The following TBCEL variants were observed in gnomAD, a reference collection of about 807,000 sequenced individuals.
TBCEL encodes the protein tubulin-specific chaperone cofactor E-like protein.
Under a neutral mutation model 44.2 loss-of-function variants are expected in TBCEL, and 15 were observed. That is an observed-to-expected ratio of 0.34 (90% CI 0.23 to 0.52). The LOEUF is 0.52. Ranked by LOEUF, TBCEL falls within the 20% of genes least tolerant of loss-of-function variation. The pLI is 0.95. For synonymous variants in TBCEL, 171 were observed against 185.4 expected, an observed-to-expected ratio of 0.92 and a Z score of 0.63; for missense variants, 319 against 506.3, an observed-to-expected ratio of 0.63 and a Z score of 3.55.
chr11:121,054,783 G>A (rs1268451416), intron 5 of TBCEL: 5 of 277,874 alleles, frequency 1.8e-5, no homozygotes, highest in African/African-American at 1.1e-4. Context: ...CTTACAGTCA[G>A]TACTGCTTAA....
chr11:121,080,417 C>A (rs758865246), intron 8 of TBCEL, among the ~76,000 whole-genome samples: 1 of 152,110 alleles, frequency 6.6e-6, no homozygotes, highest in Non-Finnish European at 1.5e-5. Context: ...TTTATGATCC[C>A]ATTGTTGCGT....
intron 1 of TBCEL, among the ~76,000 whole-genome samples, chr11:121,028,935 T>G (rs1170059328): frequency 6.6e-6 from 1 of 152,222 alleles, no homozygotes; most frequent in Non-Finnish European, 1.5e-5. Context: ...AAGAATAAAG[T>G]GCAAACTTTT....
intron 1 of TBCEL, 31 bp from the exon 2 acceptor site, chr11:121,036,474 A>G (rs2134892579): frequency 6.6e-6 from 1 of 152,296 alleles, no homozygotes; most frequent in African/African-American, 2.4e-5. Flanking sequence ...TGCTGAAAGT[A>G]TATGCAAAGT....
intron 3 of TBCEL, 24 bp from the exon 4 acceptor site, chr11:121,047,504 C>T: frequency 6.2e-7 from 1 of 1,609,110 alleles, no homozygotes; most frequent in Non-Finnish European, 8.5e-7. Flanking sequence ...ATATAGAAAA[C>T]ATTTTGTGTC....
chr11:121,034,026 A>G lies in TBCEL; in HGVS notation c.-125-2479A>G, dbSNP rs144053347. ...TCTGTCACATTCTGTTTATCCATTT[A>G]TCTACCTTTTGACTATTGTAAATAA... On this transcript the variant is annotated intron_variant, in intron 1 of 8. Coordinates refer to ENST00000683345, the MANE Select transcript of TBCEL (RefSeq NM_001363644.2). Among the ~76,000 whole-genome samples, 16 of 152,204 alleles carry G rather than the reference A, an allele frequency of 1.1e-4. No individual in the cohort carries two copies. In the East Asian group the frequency reaches 3.1e-3, roughly 29 times the overall value.
intron 8 of TBCEL, among the ~76,000 whole-genome samples, chr11:121,066,221 A>T (rs1281766068): frequency 1.3e-5 from 2 of 152,208 alleles, no homozygotes; most frequent in Non-Finnish European, 2.9e-5. Flanking sequence ...TTGCCCTCAG[A>T]CACTTAAAGC....
chr11:121,033,108 A>G (rs1334492442), intron 1 of TBCEL, among the ~76,000 whole-genome samples: 2 of 152,198 alleles, frequency 1.3e-5, no homozygotes, highest in Admixed American at 1.3e-4. Flanking sequence ...AAGTCTTCTG[A>G]TAGATGCCAT....
At chr11:121,062,489 T>A (rs1452188007) in intron 8 of TBCEL, among the ~76,000 whole-genome samples, 3 of 152,158 alleles carry the variant, frequency 2.0e-5, no homozygotes, top group Non-Finnish European at 4.4e-5. Flanking sequence ...TATGTTGCGT[T>A]ATGATGCTAA....
intron 1 of TBCEL, among the ~76,000 whole-genome samples, chr11:121,029,045 A>G (rs1290902550): frequency 1.3e-5 from 2 of 151,714 alleles, no homozygotes; most frequent in Non-Finnish European, 2.9e-5. Flanking sequence ...ACTACACTAC[A>G]TTTCTCACTT....
At chr11:121,029,582 T>G (rs976739463) in intron 1 of TBCEL, among the ~76,000 whole-genome samples, 1 of 152,250 alleles carries the variant, frequency 6.6e-6, no homozygotes, top group East Asian at 1.9e-4. Flanking sequence ...GACCATGCTT[T>G]TAATCACAGT....
chr11:121,071,312 G>C (rs1347159643), intron 8 of TBCEL, among the ~76,000 whole-genome samples: 6 of 152,122 alleles, frequency 3.9e-5, no homozygotes, highest in African/African-American at 1.4e-4. Flanking sequence ...GCAACTTTTA[G>C]AAGTCAGCAT....
At chr11:121,038,583 T>TA (rs887335197) in intron 2 of TBCEL, among the ~76,000 whole-genome samples, 18 of 147,086 alleles carry the variant, frequency 1.2e-4, no homozygotes, top group Admixed American at 2.0e-4. Context: ...TTAATGGGCT[T>TA]AAAAAAAAAA....
chr11:121,062,807 C>G (rs998424660), intron 8 of TBCEL, among the ~76,000 whole-genome samples: 2 of 152,110 alleles, frequency 1.3e-5, no homozygotes, highest in African/African-American at 4.8e-5. Context: ...AGGATAGATA[C>G]AGTTTGAACT....
Position 121,045,271 on chromosome 11 carries a change from G to A in TBCEL, c.-17-403G>A, listed in dbSNP as rs139410896. Among the ~76,000 whole-genome samples the A allele has an allele frequency of 2.6e-5, 4 of 152,174 alleles. No individual in the cohort carries two copies. In the East Asian group the frequency reaches 7.7e-4, roughly 29 times the overall value. On this transcript the variant is annotated intron_variant, in intron 2 of 8. Transcript: ENST00000683345. ...TATGGAAGAAGATAATGGATTTTAGGGACAGATATTAAAGGATTCATCCAA... is the reference window on the plus strand; with the variant it reads ...TATGGAAGAAGATAATGGATTTTAGAGACAGATATTAAAGGATTCATCCAA...
Position 121,024,310 on chromosome 11 carries a change from G to T in TBCEL, c.-126+19G>T, listed in dbSNP as rs1945004069. The T allele has an allele frequency of 1.3e-5, 2 of 152,446 alleles. No individual in the cohort carries two copies. Among genetic ancestry groups the T allele is most frequent in the Non-Finnish European group, 2.9e-5 (2 of 68,200 alleles). The allele number at this position is 152,446 out of a possible 1,614,324, so 9.4% of individuals were successfully genotyped here. ...CTGAGGGGTGAGTGGAGCCGGGCCC[G>T]CTGGCTCTGCCGGGCTCTCGAGGCC... On this transcript the variant is annotated intron_variant, in intron 1 of 8. Transcript: ENST00000683345.
In TBCEL at chr11:121,086,976, C is replaced by G. The variant is rs764986019; in HGVS notation, c.1155C>G (p.Leu385=). ...LVQLPTSNML[L]YYFDHEAPFG... ...AATTACCCACAAGCAACATGCTTCT[C>G]TACTATTTTGACCATGAAGCACCCT... is the stretch of plus-strand genomic sequence containing the variant. Residue 385 remains leucine, a synonymous_variant, in exon 9 of 9, where the codon CTC becomes CTG. Coordinates refer to ENST00000683345, the MANE Select transcript of TBCEL (RefSeq NM_001363644.2). 6.2e-7 allele frequency: 1 copy of G among 1,614,094 alleles called. No individual in the cohort carries two copies. The highest frequency in any genetic ancestry group is 8.5e-7 in the Non-Finnish European group (1 of 1,179,990).
intron 8 of TBCEL, among the ~76,000 whole-genome samples, chr11:121,073,533 C>T (rs1486469666): frequency 6.6e-6 from 1 of 151,638 alleles, no homozygotes; most frequent in African/African-American, 2.4e-5. Flanking sequence ...TCTTCATTTT[C>T]TTTTGGATTT....
At chr11:121,045,506 T>A (rs967112978) in intron 2 of TBCEL, among the ~76,000 whole-genome samples, 168 bp from the exon 3 acceptor site, 6 of 152,144 alleles carry the variant, frequency 3.9e-5, no homozygotes, top group Admixed American at 3.3e-4. Context: ...GTAGCTTCCC[T>A]AAATTGTAAG....
chr11:121,043,007 C>T (rs1945361740), intron 2 of TBCEL, among the ~76,000 whole-genome samples: 1 of 152,052 alleles, frequency 6.6e-6, no homozygotes, highest in Admixed American at 6.6e-5. Context: ...TTACAATGGC[C>T]CTTTAATCCA....
Sources: gnomAD v4.1 joint callset for allele counts (sites outside exome capture counted in the v4.1 genomes callset) on GRCh38, gnomAD v4.1.1 for gene constraint, MANE v1.5 for transcripts, NCBI Gene and HGNC (gene_info 2026-07-23, HGNC 2026-07-21) for gene names.